RANBP2: variants seen among roughly 807,000 people sequenced by gnomAD.
RANBP2 encodes E3 SUMO-protein ligase RanBP2.
Under a neutral mutation model 303.6 loss-of-function variants are expected in RANBP2, and 57 were observed. The ratio of observed to expected loss-of-function variants is 0.19; its 90% CI spans 0.15 to 0.23. The LOEUF (loss-of-function observed/expected upper bound fraction) is 0.23, where lower values mean the gene tolerates loss of function less well. Ranked by LOEUF, RANBP2 falls within the 10% of genes least tolerant of loss-of-function variation. RANBP2 has a pLI of 1.00. For missense variants in RANBP2, 3,138 were observed against 3,780.8 expected (o/e 0.83, Z 4.46); for synonymous variants, 1,167 against 1,301.5 (o/e 0.90, Z 2.23).
At chr2:109,548,521 G>C in the RANBP2 span, among the ~76,000 whole-genome samples, 1 of 152,220 alleles carries the variant, frequency 6.6e-6, no homozygotes, top group East Asian at 1.9e-4. Context: ...TGTCTAGAAA[G>C]GGGGAGACGT....
the RANBP2 span, among the ~76,000 whole-genome samples, chr2:109,006,710 C>T: frequency 6.6e-6 from 1 of 152,078 alleles, no homozygotes; most frequent in Admixed American, 6.6e-5. Flanking sequence ...GAGCGGAGGC[C>T]CCTCGGGCTG....
chr2:109,616,927 G>A, the RANBP2 span: 2 of 167,092 alleles, frequency 1.2e-5, no homozygotes, highest in South Asian at 4.1e-4. Context: ...TGAATTTGCT[G>A]GGGTGTTTAT....
chr2:108,902,501 A>T, the RANBP2 span, among the ~76,000 whole-genome samples: 1 of 152,256 alleles, frequency 6.6e-6, no homozygotes, highest in Non-Finnish European at 1.5e-5. Flanking sequence ...TTTTCTAGAC[A>T]TAGAAAAGGA....
the RANBP2 span, among the ~76,000 whole-genome samples, chr2:109,325,338 T>C: frequency 1.3e-4 from 17 of 128,778 alleles, no homozygotes; most frequent in South Asian, 8.2e-4. Context: ...TTTCTTTTTT[T>C]TTTTTTTTTT....
chr2:109,070,982 A>G, the RANBP2 span, among the ~76,000 whole-genome samples: 4 of 152,008 alleles, frequency 2.6e-5, no homozygotes. Context: ...CTGAGGCCTC[A>G]CCAGGAGCAG....
At chr2:108,962,629 C>T in the RANBP2 span, among the ~76,000 whole-genome samples, 5 of 141,710 alleles carry the variant, frequency 3.5e-5, no homozygotes, top group African/African-American at 7.9e-5. Context: ...GAGCCGAGAT[C>T]GCTCCACTGC....
the RANBP2 span, among the ~76,000 whole-genome samples, chr2:108,854,009 T>C: frequency 1.0e-5 from 1 of 98,694 alleles, no homozygotes; most frequent in Non-Finnish European, 2.0e-5. Flanking sequence ...ATATTATATA[T>C]AATATATAAT....
the RANBP2 span, chr2:108,907,979 G>T: frequency 6.2e-7 from 1 of 1,612,128 alleles, no homozygotes; most frequent in African/African-American, 1.3e-5. Context: ...TCGACGCTCC[G>T]GCTCAGCAGC....
At chr2:108,851,706 A>G in the RANBP2 span, among the ~76,000 whole-genome samples, 7 of 152,188 alleles carry the variant, frequency 4.6e-5, no homozygotes, top group East Asian at 1.9e-4. Flanking sequence ...ACAATCAGAA[A>G]GTCCAGGAAA....
the RANBP2 span, among the ~76,000 whole-genome samples, chr2:109,518,915 C>CTTTTTTTTTT: frequency 2.3e-4 from 26 of 110,990 alleles, 1 homozygote; most frequent in African/African-American, 9.8e-4. Context: ...TGCTACATAT[C>CTTTTTTTTTT]TTTTTTTTTT....
the RANBP2 span, chr2:109,667,263 C>G: frequency 6.3e-6 from 5 of 788,802 alleles, no homozygotes; most frequent in East Asian, 1.3e-4. Context: ...CAGGCAGAGA[C>G]CAACCATCAT....
At chr2:109,262,981 C>T in the RANBP2 span, among the ~76,000 whole-genome samples, 3 of 151,912 alleles carry the variant, frequency 2.0e-5, no homozygotes, top group African/African-American at 4.8e-5. Flanking sequence ...TACAGGTGCC[C>T]GCCACCACAC....
At chr2:109,452,091 T>C in the RANBP2 span, among the ~76,000 whole-genome samples, 1 of 152,392 alleles carries the variant, frequency 6.6e-6, no homozygotes, top group African/African-American at 2.4e-5. Context: ...CCATCTGTGT[T>C]CCCACTTGAA....
intron 23 of RANBP2, among the ~76,000 whole-genome samples, chr2:108,773,635 C>G (rs1677665283): frequency 6.7e-6 from 1 of 149,792 alleles, no homozygotes; most frequent in Non-Finnish European, 1.5e-5. Flanking sequence ...CCAGTCAAAA[C>G]CCCTCCAGGA....
the RANBP2 span, among the ~76,000 whole-genome samples, chr2:109,021,415 C>T: frequency 4.0e-5 from 6 of 150,254 alleles, 1 homozygote; most frequent in East Asian, 4.0e-4. Context: ...CCCAGCTACT[C>T]GGGAGGCTGA....
the RANBP2 span, among the ~76,000 whole-genome samples, chr2:109,260,548 G>A: frequency 6.6e-6 from 1 of 152,232 alleles, no homozygotes; most frequent in Non-Finnish European, 1.5e-5. Context: ...TGGGCACAGG[G>A]ACACCTTGGT....
At chr2:109,108,045 A>G in the RANBP2 span, among the ~76,000 whole-genome samples, 1 of 152,212 alleles carries the variant, frequency 6.6e-6, no homozygotes, top group Non-Finnish European at 1.5e-5. Context: ...AGCTGGGACT[A>G]CAGGCGCCTG....
chr2:109,578,370 G>A, the RANBP2 span, among the ~76,000 whole-genome samples: 4 of 152,184 alleles, frequency 2.6e-5, no homozygotes, highest in African/African-American at 7.2e-5. Context: ...GAAAGCTGCA[G>A]ACAATACTGA....
the RANBP2 span, among the ~76,000 whole-genome samples, chr2:109,273,035 T>C: frequency 6.6e-6 from 1 of 152,232 alleles, no homozygotes; most frequent in African/African-American, 2.4e-5. Flanking sequence ...GTTTTAATTT[T>C]ACCAGTGGGA....
Sources: gnomAD v4.1 joint callset for allele counts (sites outside exome capture counted in the v4.1 genomes callset) on GRCh38, gnomAD v4.1.1 for gene constraint, MANE v1.5 for transcripts, NCBI Gene and HGNC (gene_info 2026-07-23, HGNC 2026-07-21) for gene names.